ZNF276: variants seen among roughly 807,000 people sequenced by gnomAD.
ZNF276 encodes the protein zinc finger protein 276.
In ZNF276, 59 loss-of-function variants were observed where a neutral mutation model predicts 63.9. The ratio of observed to expected loss-of-function variants is 0.92; its 90% CI spans 0.75 to 1.15. ZNF276 has a LOEUF of 1.15. Among genes scored for constraint, ZNF276 ranks in the 50% most tolerant of loss-of-function variants. ZNF276 has a pLI of 0.00. For synonymous variants in ZNF276, 496 were observed against 348.4 expected (o/e 1.42, Z -4.72); for missense variants, 1,084 against 843.8 (o/e 1.28, Z -3.53).
chr16:89,722,773 C>G lies in ZNF276; in HGVS notation c.448C>G (p.Leu150Val). 6.2e-7 allele frequency: 1 copy of G among 1,610,048 alleles called. No individual in the cohort carries two copies. The highest frequency in any genetic ancestry group is 8.5e-7 in the Non-Finnish European group (1 of 1,180,008). Residue 150 changes from leucine (L) to valine (V), a missense_variant, in exon 2 of 11, where the codon CTC (leucine) becomes GTC (valine). Transcript: ENST00000443381. The stretch of plus-strand genomic sequence containing the variant: ...CCAGTTCTACCAGTGCCACAGCCTT[C>G]TCAAGTCCTTCCTGCAGAGGGTCAA... ...HAQFYQCHSL[L>V]KSFLQRVNAS... is the part of the protein sequence containing the mutation.
chr16:89,731,513 A>G (rs930176303), intron 6 of ZNF276: 3 of 152,286 alleles, frequency 2.0e-5, no homozygotes, highest in Admixed American at 1.3e-4. Flanking sequence ...TCAGCCTGCC[A>G]AAGTGCTGGG....
chr16:89,733,392 G>C lies in ZNF276; in HGVS notation c.1260G>C (p.Lys420Asn), dbSNP rs201541594. ...AGCCGGGACCCAAGCCCGGATGGAA[G>C]AAGAAGCTTCGTTGTGAGAGGTGAT... ...RKKPGPKPGWKKKLRCEREEL... is the reference protein window; with the variant it reads ...RKKPGPKPGWNKKLRCEREEL... Residue 420 changes from lysine to asparagine, a missense_variant, in exon 7 of 11, where the codon AAG becomes AAC. Lys to Asn is a moderately conservative substitution (Grantham distance 94). Coordinates refer to ENST00000443381, the MANE Select transcript of ZNF276 (RefSeq NM_001113525.2). 6.2e-7 allele frequency: 1 copy of C among 1,613,988 alleles called. No homozygotes were observed. Among genetic ancestry groups the C allele is most frequent in the Non-Finnish European group, 8.5e-7 (1 of 1,179,922 alleles).
At position 89,739,516 on chromosome 16, in the gene ZNF276, C is replaced by G. The variant is rs1446370085; in HGVS notation, c.*1270C>G. Reference sequence around the variant, plus strand: ...AAGGCAGCAGCCTGGTGTGCTGATCCGGGGCCACACGGAGGAGGAGCCGCC... The same window carrying G: ...AAGGCAGCAGCCTGGTGTGCTGATCGGGGGCCACACGGAGGAGGAGCCGCC... On this transcript the variant is annotated 3_prime_UTR_variant, in exon 11 of 11. Coordinates refer to ENST00000443381, the MANE Select transcript of ZNF276 (RefSeq NM_001113525.2). 7 of 1,551,204 alleles carry G rather than the reference C, an allele frequency of 4.5e-6. No homozygotes were observed. In the East Asian group the frequency reaches 1.2e-4, roughly 27 times the overall value.
intron 5 of ZNF276, among the ~76,000 whole-genome samples, chr16:89,728,335 C>T (rs967656301): frequency 1.3e-5 from 2 of 152,066 alleles, no homozygotes; most frequent in African/African-American, 4.8e-5. Context: ...AGTGATTCTC[C>T]CGCCTCAGCC....
chr16:89,737,740 T>C, intron 9 of ZNF276, 66 bp from the exon 10 acceptor site: 2 of 1,605,966 alleles, frequency 1.2e-6, no homozygotes, highest in South Asian at 1.1e-5. Context: ...TTTCACATTG[T>C]CATCGTCGTC....
At chr16:89,735,004 C>G (rs2061806204) in intron 9 of ZNF276, among the ~76,000 whole-genome samples, 1 of 151,988 alleles carries the variant, frequency 6.6e-6, no homozygotes, top group Non-Finnish European at 1.5e-5. Context: ...ACTAAAAATA[C>G]AAAAATTATC....
At chr16:89,735,295 G>A (rs1048436923) in intron 9 of ZNF276, among the ~76,000 whole-genome samples, 2 of 151,270 alleles carry the variant, frequency 1.3e-5, no homozygotes, top group African/African-American at 4.9e-5. Flanking sequence ...GGGGTGGGGG[G>A]GGGCCTGGAA....
chr16:89,730,492 G>C (rs2061609924), intron 6 of ZNF276, among the ~76,000 whole-genome samples: 1 of 152,176 alleles, frequency 6.6e-6, no homozygotes, highest in South Asian at 2.1e-4. Flanking sequence ...AGATTCAGGA[G>C]GGGAGGGTCC....
At chr16:89,720,697 T>C, upstream of ZNF276, 2 of 1,318,316 alleles carry the variant, frequency 1.5e-6, no homozygotes. Context: ...GTCCTCGCCC[T>C]CCCCGGGCGG....
In ZNF276 at chr16:89,739,034, T is replaced by TC; in HGVS notation, c.*793dup. On this transcript the variant is annotated 3_prime_UTR_variant, in exon 11 of 11. Coordinates refer to ENST00000443381, the MANE Select transcript of ZNF276 (RefSeq NM_001113525.2). ...GACATACAGAAACAGGGCTGGTGTG[T>TC]CCCCCATAGTCTGCATGCTGTGCCG... 3 of 1,614,016 alleles carry TC rather than the reference T, an allele frequency of 1.9e-6. No individual in the cohort carries two copies. Among genetic ancestry groups the TC allele is most frequent in the Non-Finnish European group, 2.5e-6 (3 of 1,179,910 alleles).
At position 89,723,168 on chromosome 16, in the gene ZNF276, G is replaced by A. The variant is rs770440184; in HGVS notation, c.541G>A (p.Glu181Lys). ...TGCCCAGCCCCCAACAGGGGCAGAG[G>A]AGGGAGCGTGTCTGGGTGAGTCCTC... ...VGAQPPTGAE[E>K]GACLVDLITS... Residue 181 changes from glutamate to lysine, a missense_variant, in exon 3 of 11, where the codon GAG becomes AAG. Glu to Lys is a moderately conservative substitution (Grantham distance 56). Coordinates refer to ENST00000443381, the MANE Select transcript of ZNF276 (RefSeq NM_001113525.2). 2.6e-5 allele frequency: 42 copies of A among 1,613,140 alleles called. No homozygotes were observed. The highest frequency in any genetic ancestry group is 1.1e-4 in the South Asian group (10 of 91,094).
chr16:89,732,611 T>C (rs1284327520), intron 6 of ZNF276: 2 of 207,354 alleles, frequency 9.6e-6, no homozygotes, highest in African/African-American at 4.7e-5. Flanking sequence ...CCACCCCTGC[T>C]GTACCCTGTG....
chr16:89,737,396 C>T (rs1476417626), intron 9 of ZNF276, among the ~76,000 whole-genome samples: 3 of 152,002 alleles, frequency 2.0e-5, no homozygotes, highest in Non-Finnish European at 2.9e-5. Flanking sequence ...TGGGGGGCGC[C>T]TGTAATCCCA....
chr16:89,732,954 GCTGTGCCCTCC>G, intron 6 of ZNF276: 1 of 326,920 alleles, frequency 3.1e-6, no homozygotes, highest in Non-Finnish European at 5.6e-6. Context: ...CTCATCCTCT[GCTGTGCCCTCC>G]CCCTCTGCTG....
At position 89,738,349 on chromosome 16, in the gene ZNF276, C is replaced by G. The variant is rs17233797; in HGVS notation, c.*103C>G. On this transcript the variant is annotated 3_prime_UTR_variant, in exon 11 of 11. Coordinates refer to ENST00000443381, the MANE Select transcript of ZNF276 (RefSeq NM_001113525.2). ...CGCATGGGAGGGTCGGAGGGTGCTG[C>G]CCGCCCTTGGTGCTGGAGGCGGGCT... is the stretch of plus-strand genomic sequence containing the variant. 5.8e-3 allele frequency: 8,620 copies of G among 1,480,672 alleles called. 445 individuals carry two copies. The African/African-American group carries it at 0.11, about 18-fold the overall frequency. The allele number at this position is 1,480,672 out of a possible 1,614,324, so 91.7% of individuals were successfully genotyped here. A position where few individuals can be genotyped will look rare whatever the true frequency, so the allele number is the denominator to read the frequency against.
In ZNF276 at chr16:89,733,946, A is replaced by C. The variant is rs1567581485; in HGVS notation, c.1382A>C (p.Glu461Ala). The change falls in exon 9 of 11, where the codon GAG becomes GCG. Residue 461 changes from glutamate (E) to alanine (A), a missense_variant. Transcript: ENST00000443381. ...AAGCACATCAAGGAGCACCACGAGG[A>C]GGTCCGGGAGCGGCCCTGCCCCCAC... ...MKKHIKEHHE[E>A]VRERPCPHPG... 1 of 1,613,876 alleles carries C rather than the reference A, an allele frequency of 6.2e-7. No homozygotes were observed. The highest frequency in any genetic ancestry group is 2.2e-5 in the East Asian group (1 of 44,866).
chr16:89,728,455 G>C (rs1451057877), intron 5 of ZNF276, among the ~76,000 whole-genome samples: 1 of 152,124 alleles, frequency 6.6e-6, no homozygotes, highest in Non-Finnish European at 1.5e-5. Context: ...CCAGGCTGGA[G>C]TGCAGTGGCA....
intron 4 of ZNF276, among the ~76,000 whole-genome samples, chr16:89,726,299 C>T (rs879514913): frequency 7.3e-5 from 11 of 150,934 alleles, no homozygotes; most frequent in African/African-American, 1.2e-4. Flanking sequence ...CAGGTTCAAG[C>T]GATTCTCCTG....
At chr16:89,721,003 C>A, upstream of ZNF276, 1 of 819,516 alleles carries the variant, frequency 1.2e-6, no homozygotes, top group Non-Finnish European at 1.6e-6. Context: ...GGCGACGGGC[C>A]CCCTCCGCGC....
Sources: allele counts gnomAD v4.1 joint callset (sites outside exome capture counted in the v4.1 genomes callset), GRCh38; gene constraint gnomAD v4.1.1; transcripts MANE v1.5; gene names NCBI Gene and HGNC (gene_info 2026-07-23, HGNC 2026-07-21).